Variants in FBXL7 observed in about 807,000 individuals in gnomAD.
FBXL7 encodes F-box and leucine rich repeat protein 7, also known as F-box/LRR-repeat protein 7.
A neutral mutation model predicts 38.3 loss-of-function variants in FBXL7; 12 were observed. That is an observed-to-expected ratio of 0.31 (90% CI 0.20 to 0.51). The LOEUF (loss-of-function observed/expected upper bound fraction) is 0.51, where lower values mean the gene tolerates loss of function less well. Among genes scored for constraint, FBXL7 ranks in the 20% least tolerant of loss-of-function variants. The pLI, the probability that FBXL7 is intolerant of heterozygous loss-of-function variation, is 0.98. For missense variants in FBXL7, 567 were observed against 676.4 expected (o/e 0.84, Z 1.79); for synonymous variants, 297 against 300.9 (o/e 0.99, Z 0.13).
At chr5:15,647,160 G>T (rs1420965810) in intron 2 of FBXL7, among the ~76,000 whole-genome samples, 1 of 152,168 alleles carries the variant, frequency 6.6e-6, no homozygotes, top group Non-Finnish European at 1.5e-5. Flanking sequence ...GACAAGAATG[G>T]TGTCAGTCAT....
At chr5:15,726,524 C>G (rs1744361229) in intron 2 of FBXL7, among the ~76,000 whole-genome samples, 1 of 152,062 alleles carries the variant, frequency 6.6e-6, no homozygotes, top group African/African-American at 2.4e-5. Context: ...GAAACCCCGT[C>G]TCTACTAAAA....
Position 15,502,698 on chromosome 5 carries a change from A to T in FBXL7, c.37+1985A>T, listed in dbSNP as rs74519686. Among the ~76,000 whole-genome samples the T allele has an allele frequency of 5.3e-4, 81 of 152,230 alleles. No individual in the cohort carries two copies. The East Asian group carries it at 0.015, about 28-fold the overall frequency. ...AATGACCTTCTTTTTTCTTCTCTAA[A>T]CCCCACCTATACTGTGGCTCCTCCC... On this transcript the variant is annotated intron_variant, in intron 1 of 3. Coordinates refer to ENST00000504595, the MANE Select transcript of FBXL7 (RefSeq NM_012304.5).
intron 2 of FBXL7, among the ~76,000 whole-genome samples, chr5:15,788,897 C>G (rs1286301801): frequency 6.6e-6 from 1 of 150,510 alleles, no homozygotes; most frequent in Non-Finnish European, 1.5e-5. Flanking sequence ...TGTCGCCCAG[C>G]TGGAGTACAG....
At chr5:15,644,398 C>A (rs1056711865) in intron 2 of FBXL7, among the ~76,000 whole-genome samples, 2 of 151,738 alleles carry the variant, frequency 1.3e-5, no homozygotes, top group Non-Finnish European at 2.9e-5. Flanking sequence ...TCACTTGAAC[C>A]CGGGAGGCAG....
At chr5:15,826,358 G>T (rs147776718) in intron 2 of FBXL7, among the ~76,000 whole-genome samples, 1 of 152,118 alleles carries the variant, frequency 6.6e-6, no homozygotes, top group Admixed American at 6.5e-5. Flanking sequence ...AGAAAATAGC[G>T]TCTATAGGGT....
At chr5:15,808,663 T>G (rs1258251970) in intron 2 of FBXL7, among the ~76,000 whole-genome samples, 1 of 152,144 alleles carries the variant, frequency 6.6e-6, no homozygotes, top group African/African-American at 2.4e-5. Context: ...AAGTGGCTAG[T>G]TTCCAGTGGT....
intron 2 of FBXL7, among the ~76,000 whole-genome samples, chr5:15,851,919 A>T (rs1004741558): frequency 6.6e-6 from 1 of 151,802 alleles, no homozygotes; most frequent in African/African-American, 2.4e-5. Context: ...GCCTCCCCCT[A>T]AGGTAACCAC....
intron 2 of FBXL7, among the ~76,000 whole-genome samples, chr5:15,720,124 G>A (rs1744154262): frequency 6.7e-6 from 1 of 149,042 alleles, no homozygotes; most frequent in Non-Finnish European, 1.5e-5. Flanking sequence ...CGTAAAATAG[G>A]ATGTTAGCAA....
At chr5:15,602,795 A>G (rs1739842697) in intron 1 of FBXL7, among the ~76,000 whole-genome samples, 2 of 152,136 alleles carry the variant, frequency 1.3e-5, no homozygotes, top group Non-Finnish European at 1.5e-5. Flanking sequence ...AATGTCACTT[A>G]AGGATCCCAT....
At chr5:15,574,579 T>C (rs1318933305) in intron 1 of FBXL7, among the ~76,000 whole-genome samples, 2 of 152,244 alleles carry the variant, frequency 1.3e-5, no homozygotes, top group Non-Finnish European at 1.5e-5. Context: ...AGCTTCGTTA[T>C]TCATGGGTAT....
At chr5:15,724,943 A>T (rs550187055) in intron 2 of FBXL7, among the ~76,000 whole-genome samples, 7 of 152,298 alleles carry the variant, frequency 4.6e-5, no homozygotes, top group Admixed American at 1.3e-4. Context: ...TAGTATATAT[A>T]AACAAAGAGG....
At chr5:15,506,150 A>C (rs181238868) in intron 1 of FBXL7, among the ~76,000 whole-genome samples, 19 of 151,976 alleles carry the variant, frequency 1.3e-4, no homozygotes, top group African/African-American at 4.6e-4. Context: ...CTTTTCACTT[A>C]AAGGAAGCCG....
At chr5:15,780,273 T>C (rs992941346) in intron 2 of FBXL7, among the ~76,000 whole-genome samples, 1 of 152,074 alleles carries the variant, frequency 6.6e-6, no homozygotes, top group Admixed American at 6.6e-5. Flanking sequence ...TTTAGTGAAC[T>C]GAAGGAAACC....
At chr5:15,709,785 G>A (rs577495392) in intron 2 of FBXL7, among the ~76,000 whole-genome samples, 3 of 152,152 alleles carry the variant, frequency 2.0e-5, no homozygotes, top group Non-Finnish European at 2.9e-5. Flanking sequence ...CCAAGATCAA[G>A]GTGCTGGCAG....
intron 2 of FBXL7, among the ~76,000 whole-genome samples, chr5:15,667,549 G>A (rs559751561): frequency 9.2e-5 from 14 of 152,186 alleles, no homozygotes; most frequent in South Asian, 2.1e-4. Context: ...TCAAATACCC[G>A]CCTATTTTGA....
At chr5:15,738,149 G>A (rs1735803372) in intron 2 of FBXL7, among the ~76,000 whole-genome samples, 1 of 152,154 alleles carries the variant, frequency 6.6e-6, no homozygotes, top group South Asian at 2.1e-4. Context: ...CGACTCTACA[G>A]AGTCACATGG....
intron 2 of FBXL7, among the ~76,000 whole-genome samples, chr5:15,707,493 T>C (rs2126639201): frequency 6.6e-6 from 1 of 152,268 alleles, no homozygotes; most frequent in East Asian, 1.9e-4. Flanking sequence ...CTTTTGTGAT[T>C]TGGCTCTATT....
intron 2 of FBXL7, among the ~76,000 whole-genome samples, chr5:15,694,204 C>T (rs1432967541): frequency 6.6e-6 from 1 of 152,216 alleles, no homozygotes; most frequent in Non-Finnish European, 1.5e-5. Flanking sequence ...ACACAAGCCT[C>T]ACCCTTGTTG....
intron 2 of FBXL7, among the ~76,000 whole-genome samples, chr5:15,848,136 C>T (rs561470317): frequency 1.3e-5 from 2 of 152,260 alleles, no homozygotes; most frequent in South Asian, 4.1e-4. Context: ...AGCAGTTGTA[C>T]TGCTAGAAAT....
Sources: allele counts gnomAD v4.1 joint callset (sites outside exome capture counted in the v4.1 genomes callset), GRCh38; gene constraint gnomAD v4.1.1; transcripts MANE v1.5; gene names NCBI Gene and HGNC (gene_info 2026-07-23, HGNC 2026-07-21).